The following QTMAN variants were observed in gnomAD, a reference collection of about 807,000 sequenced individuals.
QTMAN encodes the protein tRNA-queuosine alpha-mannosyltransferase.
At chr2:144,141,644 C>T in the QTMAN span, among the ~76,000 whole-genome samples, 6 of 146,404 alleles carry the variant, frequency 4.1e-5, no homozygotes, top group Non-Finnish European at 9.0e-5. Flanking sequence ...CTTTGGCAAA[C>T]AAATAAATAA....
the QTMAN span, among the ~76,000 whole-genome samples, chr2:144,182,853 T>TTATATA: frequency 2.1e-5 from 1 of 47,306 alleles, no homozygotes; most frequent in Non-Finnish European, 4.2e-5. Flanking sequence ...TATATATATT[T>TTATATA]TATATATAAT....
chr2:144,246,465 C>G, the QTMAN span, among the ~76,000 whole-genome samples: 1 of 148,282 alleles, frequency 6.7e-6, no homozygotes, highest in African/African-American at 2.5e-5. Context: ...CCCAGCTACT[C>G]GGGAGGCTGA....
the QTMAN span, among the ~76,000 whole-genome samples, chr2:144,112,926 A>T: frequency 6.6e-6 from 1 of 152,128 alleles, no homozygotes; most frequent in Non-Finnish European, 1.5e-5. Flanking sequence ...CCCCCATCTC[A>T]CAATAATAAG....
At chr2:144,039,083 A>G in the QTMAN span, among the ~76,000 whole-genome samples, 1 of 152,158 alleles carries the variant, frequency 6.6e-6, no homozygotes, top group Non-Finnish European at 1.5e-5. Context: ...ACCATTTCCC[A>G]AAGTGTGTTC....
chr2:144,208,353 A>G, the QTMAN span, among the ~76,000 whole-genome samples: 1 of 152,218 alleles, frequency 6.6e-6, no homozygotes, highest in Non-Finnish European at 1.5e-5. Context: ...ACCCCTATAC[A>G]TAATGAAATC....
chr2:144,105,271 C>T, the QTMAN span, among the ~76,000 whole-genome samples: 1 of 152,172 alleles, frequency 6.6e-6, no homozygotes, highest in African/African-American at 2.4e-5. Context: ...CTTTGAAGAG[C>T]TGAGAGAAGA....
chr2:144,228,815 G>A, the QTMAN span, among the ~76,000 whole-genome samples: 5 of 152,068 alleles, frequency 3.3e-5, no homozygotes, highest in African/African-American at 7.2e-5. Flanking sequence ...AAAATTAGCC[G>A]GGCGTGATGG....
chr2:144,227,145 TA>T, the QTMAN span, among the ~76,000 whole-genome samples: 47 of 152,326 alleles, frequency 3.1e-4, 1 homozygote, highest in East Asian at 8.9e-3. Flanking sequence ...CAAGGACCTG[TA>T]AATCAGCATC....
At chr2:144,133,156 A>AC in the QTMAN span, among the ~76,000 whole-genome samples, 1 of 49,138 alleles carries the variant, frequency 2.0e-5, no homozygotes, top group African/African-American at 8.5e-5. Context: ...TATATAATAT[A>AC]ATATAATATA....
the QTMAN span, among the ~76,000 whole-genome samples, chr2:144,305,420 G>T: frequency 6.6e-6 from 1 of 152,104 alleles, no homozygotes; most frequent in African/African-American, 2.4e-5. Context: ...AAAAGTCAGG[G>T]TTTAATTCTG....
chr2:144,036,370 TATTA>T, the QTMAN span, among the ~76,000 whole-genome samples: 1 of 152,220 alleles, frequency 6.6e-6, no homozygotes, highest in African/African-American at 2.4e-5. Context: ...AGTTCTTCTT[TATTA>T]ATTGACAAAA....
At chr2:144,123,113 T>C in the QTMAN span, among the ~76,000 whole-genome samples, 6 of 152,156 alleles carry the variant, frequency 3.9e-5, no homozygotes, top group Non-Finnish European at 1.5e-5. Flanking sequence ...TTAAATTACC[T>C]ATCTATAAGG....
chr2:144,138,112 A>C, the QTMAN span, among the ~76,000 whole-genome samples: 1 of 152,076 alleles, frequency 6.6e-6, no homozygotes, highest in Non-Finnish European at 1.5e-5. Flanking sequence ...GATGATGAGG[A>C]ACCCAGCAAA....
At chr2:144,133,151 A>G in the QTMAN span, among the ~76,000 whole-genome samples, 2 of 51,394 alleles carry the variant, frequency 3.9e-5, no homozygotes, top group Non-Finnish European at 6.5e-5. Context: ...ATATATATAT[A>G]ATATAATATA....
chr2:144,007,578 A>T, the QTMAN span: 2 of 1,350,086 alleles, frequency 1.5e-6, no homozygotes, highest in East Asian at 2.4e-5. Context: ...GTGGAAAAAA[A>T]TATGTAAAAT....
chr2:144,293,973 T>C, the QTMAN span, among the ~76,000 whole-genome samples: 1 of 152,164 alleles, frequency 6.6e-6, no homozygotes, highest in Non-Finnish European at 1.5e-5. Flanking sequence ...AACATAAGAT[T>C]TTACATGCCA....
At chr2:144,099,383 G>A in the QTMAN span, among the ~76,000 whole-genome samples, 1 of 152,196 alleles carries the variant, frequency 6.6e-6, no homozygotes, top group Non-Finnish European at 1.5e-5. Flanking sequence ...CTAGATCTAA[G>A]TAGGAAGAGA....
the QTMAN span, among the ~76,000 whole-genome samples, chr2:144,030,984 C>A: frequency 6.6e-6 from 1 of 152,106 alleles, no homozygotes; most frequent in Non-Finnish European, 1.5e-5. Flanking sequence ...ATGGAGCTTG[C>A]CAAGACTCAT....
the QTMAN span, among the ~76,000 whole-genome samples, chr2:144,060,781 T>A: frequency 1.3e-5 from 2 of 152,210 alleles, no homozygotes; most frequent in South Asian, 4.1e-4. Flanking sequence ...CTTTCAAAAA[T>A]ACTGACTCCA....
Sources: gnomAD v4.1 joint callset for allele counts (sites outside exome capture counted in the v4.1 genomes callset) on GRCh38, gnomAD v4.1.1 for gene constraint, MANE v1.5 for transcripts, NCBI Gene and HGNC (gene_info 2026-07-23, HGNC 2026-07-21) for gene names.